Variants in TBC1D5 observed in about 807,000 individuals in gnomAD.
TBC1D5 encodes the protein TBC1 domain family member 5, also known as TBC1 domain family, member 5.
In TBC1D5, 75 loss-of-function variants were observed where a neutral mutation model predicts 100.3. The observed-to-expected ratio is 0.75, with a 90% confidence interval of 0.62 to 0.91. The LOEUF is 0.91. TBC1D5 is among the 40% of genes least tolerant of loss of function. The pLI is 0.00. For missense variants in TBC1D5, 910 were observed against 942.4 expected, an observed-to-expected ratio of 0.97 and a Z score of 0.45; for synonymous variants, 323 against 325.6, an observed-to-expected ratio of 0.99 and a Z score of 0.09.
chr3:17,439,062 C>T (rs2094588942), intron 3 of TBC1D5, among the ~76,000 whole-genome samples: 1 of 152,006 alleles, frequency 6.6e-6, no homozygotes, highest in Non-Finnish European at 1.5e-5. Flanking sequence ...TCTTTTTCTT[C>T]AGTGCAATAA....
intron 19 of TBC1D5, 31 bp downstream of exon 20, chr3:17,185,078 A>C (rs2068867714): frequency 6.2e-7 from 1 of 1,600,132 alleles, no homozygotes; most frequent in South Asian, 1.1e-5. Context: ...GATGAGTCTC[A>C]TCGTTCCCAG....
chr3:17,329,326 A>G (rs1411942903), intron 13 of TBC1D5, among the ~76,000 whole-genome samples: 1 of 152,210 alleles, frequency 6.6e-6, no homozygotes, highest in East Asian at 1.9e-4. Context: ...AAAAGGTGAT[A>G]TTCAGCTCTG....
chr3:17,249,275 G>A (rs1055825268), intron 16 of TBC1D5, among the ~76,000 whole-genome samples: 1 of 152,186 alleles, frequency 6.6e-6, no homozygotes, highest in African/African-American at 2.4e-5. Context: ...GATCTAGCTT[G>A]CGACCCATTT....
At chr3:17,295,905 C>G (rs1350243841) in intron 14 of TBC1D5, among the ~76,000 whole-genome samples, 1 of 152,136 alleles carries the variant, frequency 6.6e-6, no homozygotes, top group African/African-American at 2.4e-5. Context: ...TTATCATTGA[C>G]TCTCTATTAT....
At chr3:17,378,381 C>T (rs1336773773) in intron 9 of TBC1D5, among the ~76,000 whole-genome samples, 1 of 151,792 alleles carries the variant, frequency 6.6e-6, no homozygotes, top group Non-Finnish European at 1.5e-5. Context: ...CTCACACATC[C>T]TCACCTATAT....
intron 1 of TBC1D5, among the ~76,000 whole-genome samples, chr3:17,632,179 A>T (rs1166832977): frequency 1.3e-5 from 2 of 152,240 alleles, no homozygotes; most frequent in African/African-American, 4.8e-5. Context: ...ACCCTCACGG[A>T]TGACTTGAAG....
chr3:17,632,724 G>A (rs1453528520), intron 1 of TBC1D5, among the ~76,000 whole-genome samples: 2 of 152,146 alleles, frequency 1.3e-5, no homozygotes, highest in Middle Eastern at 3.2e-3. Context: ...TGAGATGATC[G>A]TTCACATTTT....
chr3:17,323,768 A>C (rs930537464), intron 13 of TBC1D5, among the ~76,000 whole-genome samples: 2 of 152,232 alleles, frequency 1.3e-5, no homozygotes, highest in East Asian at 3.8e-4. Context: ...CTGATTTTAT[A>C]GATTCAATGC....
intron 1 of TBC1D5, among the ~76,000 whole-genome samples, chr3:17,642,079 C>T (rs1322934847): frequency 6.6e-6 from 1 of 152,076 alleles, no homozygotes; most frequent in Non-Finnish European, 1.5e-5. Context: ...CTATGAAAAT[C>T]CTATAAAACT....
chr3:17,277,710 G>A (rs897074325), intron 15 of TBC1D5, among the ~76,000 whole-genome samples: 1 of 152,182 alleles, frequency 6.6e-6, no homozygotes, highest in Non-Finnish European at 1.5e-5. Context: ...AAGAAATAGT[G>A]TGTGGGAGTA....
At chr3:17,297,931 T>C (rs1196196934) in intron 14 of TBC1D5, among the ~76,000 whole-genome samples, 1 of 152,096 alleles carries the variant, frequency 6.6e-6, no homozygotes, top group Non-Finnish European at 1.5e-5. Flanking sequence ...AACACTATTG[T>C]AGTAATTAAA....
In TBC1D5 at chr3:17,690,361, C is replaced by T. The variant is rs1423370754; in HGVS notation, c.-101+48982G>A. Among the ~76,000 whole-genome samples, 2 of 82,852 alleles carry T rather than the reference C, an allele frequency of 2.4e-5. 1 individual carries two copies. Among genetic ancestry groups the T allele is most frequent in the South Asian group, 1.1e-3 (2 of 1,780 alleles). The allele number at this position is 82,852 out of a possible 152,430, so 54.4% of individuals were successfully genotyped here. On this transcript the variant is annotated intron_variant, in intron 1 of 21. Coordinates refer to ENST00000253692, the Ensembl canonical transcript of TBC1D5. The stretch of plus-strand genomic sequence containing the variant: ...CCTCCCAAGTAGCTGGGACTACAGG[C>T]GCCCGCCACTACGCCCGGCTAATTT...
intron 13 of TBC1D5, among the ~76,000 whole-genome samples, chr3:17,364,208 A>G (rs2091952750): frequency 6.6e-6 from 1 of 152,162 alleles, no homozygotes; most frequent in South Asian, 2.1e-4. Flanking sequence ...GTTCCTTAAA[A>G]TAGCAACAAA....
At chr3:17,221,514 G>T (rs1051904182) in intron 17 of TBC1D5, among the ~76,000 whole-genome samples, 1 of 152,086 alleles carries the variant, frequency 6.6e-6, no homozygotes, top group African/African-American at 2.4e-5. Flanking sequence ...GAAGGCAGAA[G>T]AATGAGCTAG....
chr3:17,160,385 T>C (rs2065927404), exon 22 of TBC1D5: 1 of 152,480 alleles, frequency 6.6e-6, no homozygotes, highest in African/African-American at 2.4e-5. Flanking sequence ...TTTCTTTTTT[T>C]TTTTCCCCCA....
intron 3 of TBC1D5, among the ~76,000 whole-genome samples, chr3:17,496,712 TACA>T (rs773186677): frequency 1.3e-5 from 2 of 152,084 alleles, no homozygotes; most frequent in South Asian, 4.1e-4. Flanking sequence ...ATGTTAAAAA[TACA>T]ACAACTCTCA....
intron 13 of TBC1D5, among the ~76,000 whole-genome samples, chr3:17,313,591 T>C (rs952143893): frequency 4.6e-5 from 7 of 152,156 alleles, no homozygotes; most frequent in African/African-American, 7.2e-5. Flanking sequence ...GAAACCATCA[T>C]AGACATTTCA....
chr3:17,702,937 A>C (rs545166882), intron 1 of TBC1D5, among the ~76,000 whole-genome samples: 1 of 152,300 alleles, frequency 6.6e-6, no homozygotes, highest in East Asian at 1.9e-4. Context: ...TTTAAATAAG[A>C]AAACTTCTCC....
At chr3:17,232,735 T>A (rs1306086251) in intron 17 of TBC1D5, among the ~76,000 whole-genome samples, 1 of 152,228 alleles carries the variant, frequency 6.6e-6, no homozygotes, top group Non-Finnish European at 1.5e-5. Flanking sequence ...AATACATCAA[T>A]CTCTTAATCA....
Sources: gnomAD v4.1 joint callset for allele counts (sites outside exome capture counted in the v4.1 genomes callset) on GRCh38, gnomAD v4.1.1 for gene constraint, MANE v1.5 for transcripts, NCBI Gene and HGNC (gene_info 2026-07-23, HGNC 2026-07-21) for gene names.